ABCC4: variants seen among roughly 807,000 people sequenced by gnomAD.
The protein encoded by ABCC4 is ATP-binding cassette sub-family C member 4.
In ABCC4, 102 loss-of-function variants were observed where a neutral mutation model predicts 168.5. The ratio of observed to expected loss-of-function variants is 0.61; its 90% CI spans 0.52 to 0.71. The LOEUF (loss-of-function observed/expected upper bound fraction) is 0.71, where lower values mean the gene tolerates loss of function less well. ABCC4 is among the 30% of genes least tolerant of loss of function. ABCC4 has a pLI of 0.00. For missense variants in ABCC4, 1,402 were observed against 1,605.8 expected, an observed-to-expected ratio of 0.87 and a Z score of 2.17; for synonymous variants, 617 against 590.7, an observed-to-expected ratio of 1.04 and a Z score of -0.65.
rs11568662 is a variant in ABCC4, at chr13:95,177,649, A to G, written c.1727+58T>C. 2,423 of 1,467,550 alleles carry G rather than the reference A, an allele frequency of 1.7e-3. 40 individuals are homozygous for G. The African/African-American group carries it at 0.029, about 18-fold the overall frequency. 90.9% of individuals were successfully genotyped at this position (1,467,550 alleles called of 1,614,324 possible). On this transcript the variant is annotated intron_variant, in intron 13 of 30. Transcript: ENST00000645237. The stretch of plus-strand genomic sequence containing the variant: ...GCTGAAAGCCATAAAGGCTTTCCTG[A>G]GCCAACTCGAAATGGCTCTGGAAAA...
At chr13:95,225,757 CAAATATAA>C (rs142527567) in intron 4 of ABCC4, among the ~76,000 whole-genome samples, 20,008 of 151,078 alleles carry the variant, frequency 0.13, 1,851 homozygotes, top group Non-Finnish European at 0.2. Context: ...TAAATGCTAA[CAAATATAA>C]AAATATAAAA....
chr13:95,068,669 C>T (rs190375470), intron 25 of ABCC4, among the ~76,000 whole-genome samples: 4 of 152,296 alleles, frequency 2.6e-5, no homozygotes, highest in East Asian at 3.9e-4. Flanking sequence ...AATTTACCCT[C>T]CCACATTTCA....
In ABCC4 at chr13:95,206,300, C is replaced by T. The variant is rs73561749; in HGVS notation, c.1161+232G>A. Among the ~76,000 whole-genome samples, 1,497 of 152,284 alleles carry T rather than the reference C, an allele frequency of 9.8e-3. 25 individuals are homozygous for T. The highest frequency in any genetic ancestry group is 0.035 in the African/African-American group (1,439 of 41,532). On this transcript the variant is annotated intron_variant, in intron 8 of 30. Coordinates refer to ENST00000645237, the MANE Select transcript of ABCC4 (RefSeq NM_005845.5). ...CAGTTACCACCTGTACATCAAAAGC[C>T]CTGTGCCACTGCTGTTTATGTTGCT...
At chr13:95,141,197 TC>T (rs1260126221) in intron 19 of ABCC4, among the ~76,000 whole-genome samples, 1 of 152,218 alleles carries the variant, frequency 6.6e-6, no homozygotes, top group Non-Finnish European at 1.5e-5. Context: ...AGAGCTTTAA[TC>T]CTCTGACATT....
intron 1 of ABCC4, 144 bp from the exon 2 acceptor site, chr13:95,247,897 G>C: frequency 2.4e-6 from 1 of 415,690 alleles, no homozygotes; most frequent in Non-Finnish European, 4.1e-6. Context: ...TATAGAGCTA[G>C]AGAGAGAAAA....
intron 19 of ABCC4, among the ~76,000 whole-genome samples, chr13:95,153,992 A>G (rs1023062804): frequency 6.6e-6 from 1 of 152,192 alleles, no homozygotes; most frequent in East Asian, 1.9e-4. Context: ...ATGTGAAAAA[A>G]ACATTATTTT....
At chr13:95,152,869 G>C (rs1369757566) in intron 19 of ABCC4, among the ~76,000 whole-genome samples, 2 of 152,094 alleles carry the variant, frequency 1.3e-5, no homozygotes, top group African/African-American at 4.8e-5. Context: ...ATGAAAACCA[G>C]AGTTCTCATA....
intron 20 of ABCC4, among the ~76,000 whole-genome samples, chr13:95,087,195 A>C (rs966421810): frequency 9.2e-5 from 14 of 152,170 alleles, no homozygotes; most frequent in Non-Finnish European, 1.9e-4. Flanking sequence ...TTTTGGGAAC[A>C]CATGAGACTA....
intron 16 of ABCC4, 81 bp downstream of exon 16, chr13:95,164,297 C>G: frequency 6.5e-7 from 1 of 1,531,786 alleles, no homozygotes; most frequent in South Asian, 1.2e-5. Flanking sequence ...CCCAAGTGAA[C>G]TGCAAGATGC....
intron 8 of ABCC4, among the ~76,000 whole-genome samples, chr13:95,204,961 C>T (rs895850434): frequency 1.3e-5 from 2 of 152,280 alleles, no homozygotes; most frequent in East Asian, 1.9e-4. Flanking sequence ...CAGCACAATA[C>T]ACATGTGGCC....
At chr13:95,165,477 C>T (rs931899767) in intron 15 of ABCC4, among the ~76,000 whole-genome samples, 6 of 152,134 alleles carry the variant, frequency 3.9e-5, no homozygotes, top group African/African-American at 1.4e-4. Flanking sequence ...AGCTCTGGTA[C>T]ATTTCTGCCC....
chr13:95,196,743 G>GGGAA (rs1057182116), intron 8 of ABCC4, among the ~76,000 whole-genome samples: 4 of 146,902 alleles, frequency 2.7e-5, no homozygotes, highest in African/African-American at 7.5e-5. Context: ...AAGGGAGGGA[G>GGGAA]GGAAGGAAGG....
intron 21 of ABCC4, among the ~76,000 whole-genome samples, chr13:95,079,414 G>C (rs114472060): frequency 1.3e-5 from 2 of 152,150 alleles, no homozygotes; most frequent in South Asian, 2.1e-4. Flanking sequence ...GGGTTATTAC[G>C]GTTTTAATTC....
At chr13:95,070,222 C>T (rs7338853) in intron 25 of ABCC4, among the ~76,000 whole-genome samples, 116,025 of 152,024 alleles carry the variant, frequency 0.76, 44,732 homozygotes, top group South Asian at 0.9. Flanking sequence ...CCAGCCTGGG[C>T]GACAGAGCAA....
At chr13:95,086,560 A>T (rs2034263491) in intron 20 of ABCC4, among the ~76,000 whole-genome samples, 1 of 152,182 alleles carries the variant, frequency 6.6e-6, no homozygotes, top group African/African-American at 2.4e-5. Flanking sequence ...GCATTTAACC[A>T]CCAAACTGCT....
At chr13:95,045,847 C>T (rs970417966) in intron 27 of ABCC4, among the ~76,000 whole-genome samples, 2 of 152,126 alleles carry the variant, frequency 1.3e-5, no homozygotes, top group African/African-American at 4.8e-5. Flanking sequence ...AAACGGGTAA[C>T]ATTGTCATGT....
At chr13:95,062,367 T>TC (rs2139286872) in intron 26 of ABCC4, among the ~76,000 whole-genome samples, 2 of 152,160 alleles carry the variant, frequency 1.3e-5, no homozygotes, top group South Asian at 2.1e-4. Flanking sequence ...AATCCACATC[T>TC]CCCCATAGAA....
chr13:95,188,038 T>C (rs1305097724), intron 10 of ABCC4, among the ~76,000 whole-genome samples: 1 of 152,234 alleles, frequency 6.6e-6, no homozygotes, highest in East Asian at 1.9e-4. Context: ...TAAATGTGTG[T>C]TCATGTGACT....
chr13:95,301,320 CG>C lies in ABCC4; in HGVS notation c.-7del. ...TCCTGGTACACGGGCAGCATCTTGC[CG>C]GGCGGGGCGGGCGCGGGCCGGGGTC... On this transcript the variant is annotated 5_prime_UTR_variant, in exon 1 of 31. Transcript: ENST00000645237. 1 of 1,576,946 alleles carries C rather than the reference CG, an allele frequency of 6.3e-7. No homozygotes were observed.
Sources: allele counts gnomAD v4.1 joint callset (sites outside exome capture counted in the v4.1 genomes callset), GRCh38; gene constraint gnomAD v4.1.1; transcripts MANE v1.5; gene names NCBI Gene and HGNC (gene_info 2026-07-23, HGNC 2026-07-21).